Variants in MCUB observed in about 807,000 individuals in gnomAD.
MCUB encodes calcium uniporter regulatory subunit MCUb, mitochondrial.
MCUB carries 46 observed loss-of-function variants against 41.4 expected under a neutral mutation model. The ratio of observed to expected loss-of-function variants is 1.11; its 90% CI spans 0.88 to 1.42. The LOEUF (loss-of-function observed/expected upper bound fraction) is 1.42, where lower values mean the gene tolerates loss of function less well. MCUB is among the 40% of genes most tolerant of loss of function. MCUB has a pLI of 0.00. For missense variants in MCUB, 403 were observed against 404.9 expected (o/e 1.00, Z 0.04); for synonymous variants, 148 against 148.2 (o/e 1.00, Z 0.01).
chr4:109,563,472 G>C (rs1472034729), intron 1 of MCUB, among the ~76,000 whole-genome samples: 1 of 152,016 alleles, frequency 6.6e-6, no homozygotes, highest in African/African-American at 2.4e-5. Context: ...TTTGCAGTTG[G>C]TACATTGTAT....
chr4:109,684,644 C>T lies in MCUB; in HGVS notation c.814C>T (p.Gln272Ter), dbSNP rs752397510. ...VFFAYFIVTR[Q>*]DYTYSAVKSR... ...TTTTGCATACTTTATAGTCACTCGA[C>T]AGGTGAGTAGTTTGTTAGGAAAATG... Residue 272 changes from glutamine to a stop codon, truncating the protein, a stop_gained and splice_region_variant, in exon 6 of 8, where the codon CAG becomes TAG. Transcript: ENST00000394650. LOFTEE classifies it high-confidence loss of function. 5.7e-6 allele frequency: 8 copies of T among 1,397,952 alleles called. No homozygotes were observed. Among genetic ancestry groups the T allele is most frequent in the South Asian group, 1.2e-5 (1 of 85,262 alleles). The allele number at this position is 1,397,952 out of a possible 1,614,324, so 86.6% of individuals were successfully genotyped here. A position where few individuals can be genotyped will look rare whatever the true frequency, so the allele number is the denominator to read the frequency against.
At chr4:109,661,444 A>G (rs2126144899) in intron 3 of MCUB, among the ~76,000 whole-genome samples, 1 of 152,308 alleles carries the variant, frequency 6.6e-6, no homozygotes, top group East Asian at 1.9e-4. Flanking sequence ...AAGTTGGAAA[A>G]TGGAGATTAA....
intron 1 of MCUB, among the ~76,000 whole-genome samples, chr4:109,609,456 CT>C (rs1187560630): frequency 6.6e-6 from 1 of 152,124 alleles, no homozygotes; most frequent in Non-Finnish European, 1.5e-5. Flanking sequence ...AGAGGTCACT[CT>C]TGTAGCCCTC....
chr4:109,582,603 T>C (rs2126126978), intron 1 of MCUB, among the ~76,000 whole-genome samples: 1 of 152,282 alleles, frequency 6.6e-6, no homozygotes, highest in East Asian at 1.9e-4. Flanking sequence ...TTGGCTTTTG[T>C]TGCCATTGCT....
chr4:109,614,761 A>G (rs1447296307), intron 1 of MCUB, among the ~76,000 whole-genome samples: 1 of 151,746 alleles, frequency 6.6e-6, no homozygotes, highest in Non-Finnish European at 1.5e-5. Flanking sequence ...CCTCAGCTCT[A>G]GAATCAGACC....
chr4:109,570,102 C>T (rs1258426877), intron 1 of MCUB, among the ~76,000 whole-genome samples: 1 of 152,158 alleles, frequency 6.6e-6, no homozygotes, highest in African/African-American at 2.4e-5. Context: ...TAAATAGAGC[C>T]TTTCCTGATT....
In MCUB at chr4:109,664,315, C is replaced by A; in HGVS notation, c.372C>A (p.Thr124=). The A allele has an allele frequency of 6.4e-7, 1 of 1,568,370 alleles. No individual in the cohort carries two copies. Among genetic ancestry groups the A allele is most frequent in the Non-Finnish European group, 8.8e-7 (1 of 1,138,688 alleles). The change falls in exon 4 of 8, where the codon ACC becomes ACA. Residue 124 remains threonine, a synonymous_variant. Coordinates refer to ENST00000394650, the MANE Select transcript of MCUB (RefSeq NM_017918.5). ...ATGGCAACATGATTTCAGCTTCTACCTTGATGGATATTTTGCTAATGAATG... is the reference window on the plus strand; with the variant it reads ...ATGGCAACATGATTTCAGCTTCTACATTGATGGATATTTTGCTAATGAATG... ...TADGNMISAS[T]LMDILLMNDF... is the part of the protein sequence containing the mutation.
intron 1 of MCUB, among the ~76,000 whole-genome samples, chr4:109,607,870 T>G (rs559989310): frequency 2.0e-5 from 3 of 152,308 alleles, no homozygotes; most frequent in Non-Finnish European, 4.4e-5. Flanking sequence ...TGAGGTAGTC[T>G]TCTTTGGGTT....
In MCUB at chr4:109,577,690, G is replaced by A. The variant is rs543607687; in HGVS notation, c.99+17254G>A. ...AGTGGCGCGATCTCGGCTCACTGCA[G>A]GCTCCGCCCCCCGGGGTTCACGCCA... is the stretch of plus-strand genomic sequence containing the variant. On this transcript the variant is annotated intron_variant, in intron 1 of 7. Coordinates refer to ENST00000394650, the MANE Select transcript of MCUB (RefSeq NM_017918.5). 3.2e-3 allele frequency among the ~76,000 whole-genome samples: 253 copies of A among 78,322 alleles called. 58 individuals are homozygous for A. Among genetic ancestry groups the A allele is most frequent in the African/African-American group, 7.5e-3 (162 of 21,492 alleles). 51.4% of individuals were successfully genotyped at this position (78,322 alleles called of 152,430 possible). A position where few individuals can be genotyped will look rare whatever the true frequency, so the allele number is the denominator to read the frequency against.
chr4:109,615,875 C>T (rs1728115880), intron 1 of MCUB, among the ~76,000 whole-genome samples: 1 of 152,138 alleles, frequency 6.6e-6, no homozygotes, highest in African/African-American at 2.4e-5. Flanking sequence ...ATATGTAGTG[C>T]TGAGGGAGAG....
intron 1 of MCUB, among the ~76,000 whole-genome samples, chr4:109,626,278 A>G (rs1728357555): frequency 1.3e-5 from 2 of 152,220 alleles, no homozygotes; most frequent in African/African-American, 4.8e-5. Flanking sequence ...TACAAGAAAA[A>G]AAGTTCTTAT....
At chr4:109,573,947 A>G (rs1726972035) in intron 1 of MCUB, among the ~76,000 whole-genome samples, 1 of 140,986 alleles carries the variant, frequency 7.1e-6, no homozygotes, top group Non-Finnish European at 1.5e-5. Context: ...ATCTCGGCTC[A>G]CTGCAGCCTC....
chr4:109,625,172 A>G (rs1316388289), intron 1 of MCUB, among the ~76,000 whole-genome samples: 4 of 152,098 alleles, frequency 2.6e-5, no homozygotes, highest in Admixed American at 6.6e-5. Context: ...TAAAAATTAA[A>G]AAAACTTGAT....
At chr4:109,612,907 C>G (rs982299224) in intron 1 of MCUB, among the ~76,000 whole-genome samples, 2 of 152,142 alleles carry the variant, frequency 1.3e-5, no homozygotes, top group Non-Finnish European at 2.9e-5. Context: ...GAGATCAAGA[C>G]CATCCTGGCT....
intron 4 of MCUB, among the ~76,000 whole-genome samples, chr4:109,669,029 C>T (rs944136939): frequency 2.0e-5 from 3 of 152,002 alleles, no homozygotes; most frequent in African/African-American, 4.8e-5. Flanking sequence ...CCAGTGTTAG[C>T]ATTATTCTTT....
chr4:109,616,925 T>G (rs746236116), intron 1 of MCUB, among the ~76,000 whole-genome samples: 2 of 152,212 alleles, frequency 1.3e-5, no homozygotes, highest in Non-Finnish European at 2.9e-5. Context: ...AACATGGGCT[T>G]TAATTTTAGT....
chr4:109,631,113 A>G (rs1728466060), intron 1 of MCUB, among the ~76,000 whole-genome samples: 2 of 152,370 alleles, frequency 1.3e-5, no homozygotes, highest in East Asian at 3.9e-4. Context: ...AGATCAAGCT[A>G]GTATAATTTG....
At chr4:109,591,018 G>A (rs1319947910) in intron 1 of MCUB, among the ~76,000 whole-genome samples, 4 of 152,090 alleles carry the variant, frequency 2.6e-5, no homozygotes, top group Non-Finnish European at 1.5e-5. Context: ...TCCTTCAGCT[G>A]TGTAAATCTC....
At chr4:109,617,183 G>T (rs139241454) in intron 1 of MCUB, among the ~76,000 whole-genome samples, 6 of 152,308 alleles carry the variant, frequency 3.9e-5, no homozygotes, top group African/African-American at 1.4e-4. Flanking sequence ...ACAGATGCTT[G>T]CACAATTGGC....
Sources: allele counts gnomAD v4.1 joint callset (sites outside exome capture counted in the v4.1 genomes callset), GRCh38; gene constraint gnomAD v4.1.1; transcripts MANE v1.5; gene names NCBI Gene and HGNC (gene_info 2026-07-23, HGNC 2026-07-21).